LPIN1: variants seen among roughly 807,000 people sequenced by gnomAD.
The protein encoded by LPIN1 is lipin 1.
Under a neutral mutation model 107.5 loss-of-function variants are expected in LPIN1, and 71 were observed. That is an observed-to-expected ratio of 0.66 (90% CI 0.55 to 0.80). The LOEUF (loss-of-function observed/expected upper bound fraction) is 0.80. LPIN1 is among the 30% of genes least tolerant of loss of function. LPIN1 has a pLI of 0.00. For synonymous variants in LPIN1, 445 were observed against 452.6 expected (o/e 0.98, Z 0.21); for missense variants, 1,043 against 1,160.6 (o/e 0.90, Z 1.47).
intron 2 of LPIN1, chr2:11,767,522 C>T (rs1671112083): frequency 1.9e-6 from 1 of 536,560 alleles, no homozygotes; most frequent in Admixed American, 3.1e-5. Flanking sequence ...TATTTTTGCA[C>T]CAACGTACTG....
chr2:11,714,572 A>G (rs1356338241), intron 2 of LPIN1, among the ~76,000 whole-genome samples: 1 of 152,146 alleles, frequency 6.6e-6, no homozygotes, highest in African/African-American at 2.4e-5. Context: ...CCCTGGAGCT[A>G]TAGCTGAAGC....
At chr2:11,823,342 A>G (rs1011065019) in intron 20 of LPIN1, among the ~76,000 whole-genome samples, 4 of 152,224 alleles carry the variant, frequency 2.6e-5, no homozygotes, top group African/African-American at 9.7e-5. Flanking sequence ...CTGCTGCCGC[A>G]GCCACAAACC....
intron 1 of LPIN1, among the ~76,000 whole-genome samples, chr2:11,764,913 A>G (rs1484375122): frequency 1.3e-5 from 2 of 152,246 alleles, no homozygotes; most frequent in African/African-American, 4.8e-5. Context: ...CAGAGGAGAC[A>G]GGGCCTGGGG....
intron 12 of LPIN1, among the ~76,000 whole-genome samples, chr2:11,789,579 T>C (rs767375790): frequency 6.6e-6 from 1 of 152,168 alleles, no homozygotes; most frequent in Non-Finnish European, 1.5e-5. Flanking sequence ...TGTGTGCGTG[T>C]GTGTGTGTGC....
At chr2:11,725,992 C>T (rs866650853) in intron 1 of LPIN1, among the ~76,000 whole-genome samples, 6 of 152,268 alleles carry the variant, frequency 3.9e-5, no homozygotes, top group Admixed American at 3.3e-4. Flanking sequence ...CCACCTTGAG[C>T]CTGTGTGGTG....
chr2:11,824,907 G>A lies in LPIN1; in HGVS notation c.*116G>A. ...GAGCCTGGCGCGTCATCATTGGCCT[G>A]ACAGCAGAGAGAATTGAGAAGCATT... On this transcript the variant is annotated 3_prime_UTR_variant, in exon 21 of 21. Transcript: ENST00000674199. 8.4e-7 allele frequency: 1 copy of A among 1,184,114 alleles called. No individual in the cohort carries two copies. Among genetic ancestry groups the A allele is most frequent in the Non-Finnish European group, 1.2e-6 (1 of 813,448 alleles). The allele number at this position is 1,184,114 out of a possible 1,614,324, so 73.4% of individuals were successfully genotyped here. A position where few individuals can be genotyped will look rare whatever the true frequency, so the allele number is the denominator to read the frequency against.
chr2:11,709,232 CA>C (rs1663282490), intron 1 of LPIN1, among the ~76,000 whole-genome samples: 1 of 152,174 alleles, frequency 6.6e-6, no homozygotes, highest in South Asian at 2.1e-4. Context: ...CAGAGGGTAC[CA>C]GGCTACCAAA....
At chr2:11,746,615 A>T (rs1348364124), upstream of LPIN1, 1 of 985,172 alleles carries the variant, frequency 1.0e-6, no homozygotes, top group African/African-American at 1.7e-5. Context: ...CTGCGCTGAC[A>T]GCCGGCGGCG....
intron 1 of LPIN1, among the ~76,000 whole-genome samples, chr2:11,732,935 T>C (rs1026052785): frequency 7.1e-6 from 1 of 140,486 alleles, no homozygotes; most frequent in African/African-American, 3.0e-5. Context: ...GTGTGTGTGT[T>C]TGTATGGGGG....
At chr2:11,791,329 C>T (rs571168681) in intron 12 of LPIN1, among the ~76,000 whole-genome samples, 46 of 152,252 alleles carry the variant, frequency 3.0e-4, no homozygotes, top group Non-Finnish European at 4.3e-4. Context: ...TTTGGAAAAA[C>T]GTAGAAAATT....
chr2:11,703,576 A>G (rs1053833212), intron 1 of LPIN1, among the ~76,000 whole-genome samples: 3 of 152,236 alleles, frequency 2.0e-5, no homozygotes, highest in African/African-American at 7.2e-5. Flanking sequence ...TTATTTTGCC[A>G]TAAACATACA....
At position 11,783,925 on chromosome 2, in the gene LPIN1, A is replaced by G. The variant is rs766665385; in HGVS notation, c.1358+3A>G. The G allele has an allele frequency of 2.7e-5, 43 of 1,613,910 alleles. No individual in the cohort carries two copies. The highest frequency in any genetic ancestry group is 2.0e-5 in the Non-Finnish European group (24 of 1,179,898). Reference sequence around the variant, plus strand: ...GCGGCCCTGTATTTTCCCAAAAAGTAAAATTCCTGTTAATTCCTCACATCA... The same window carrying G: ...GCGGCCCTGTATTTTCCCAAAAAGTGAAATTCCTGTTAATTCCTCACATCA... On this transcript the variant is annotated splice_donor_region_variant and intron_variant, in intron 9 of 20. Transcript: ENST00000674199.
At chr2:11,736,015 T>C (rs1665760485) in intron 1 of LPIN1, among the ~76,000 whole-genome samples, 2 of 152,180 alleles carry the variant, frequency 1.3e-5, no homozygotes, top group Non-Finnish European at 2.9e-5. Context: ...GGAAGTCAGC[T>C]TCCCTCACTG....
chr2:11,720,902 GA>G (rs1235529982), upstream of LPIN1, among the ~76,000 whole-genome samples: 2 of 151,994 alleles, frequency 1.3e-5, no homozygotes, highest in East Asian at 3.9e-4. Flanking sequence ...CAAGGTGCGA[GA>G]GAAGAGAATT....
At chr2:11,763,613 C>T (rs904521615) in intron 1 of LPIN1, among the ~76,000 whole-genome samples, 3 of 152,062 alleles carry the variant, frequency 2.0e-5, no homozygotes, top group African/African-American at 7.2e-5. Context: ...TACATTGTTA[C>T]GGTGATGCTT....
chr2:11,761,204 C>T (rs878979576), intron 1 of LPIN1, among the ~76,000 whole-genome samples: 2 of 152,132 alleles, frequency 1.3e-5, no homozygotes, highest in Admixed American at 6.5e-5. Context: ...ACCAAACACA[C>T]GTTAAAATCT....
upstream of LPIN1, among the ~76,000 whole-genome samples, chr2:11,742,762 A>G (rs1045836992): frequency 1.3e-5 from 2 of 152,192 alleles, no homozygotes; most frequent in African/African-American, 4.8e-5. Context: ...ATCTGACCAG[A>G]GGAGAAAGGG....
At chr2:11,721,938 A>C (rs1193050560), upstream of LPIN1, 1 of 152,244 alleles carries the variant, frequency 6.6e-6, no homozygotes, top group African/African-American at 2.4e-5. Context: ...CTCTGCAACA[A>C]CCATCATTCA....
Position 11,707,282 on chromosome 2 carries a change from C to G in LPIN1, c.82-6474C>G, listed in dbSNP as rs79617335. On this transcript the variant is annotated intron_variant, in intron 1 of 21. Coordinates refer to the LPIN1 transcript ENST00000449576. The surrounding 1 kb of genome is among the most constrained non-coding windows in gnomAD (Gnocchi z 4.2). ...AGGAAGTTCCTTCCAGGAAGGGTCACTGGAACAGAGACCAGCATGAAGTGA... is the reference window on the plus strand; with the variant it reads ...AGGAAGTTCCTTCCAGGAAGGGTCAGTGGAACAGAGACCAGCATGAAGTGA... Among the ~76,000 whole-genome samples the G allele has an allele frequency of 6.6e-6, 1 of 152,196 alleles. No homozygotes were observed. Among genetic ancestry groups the G allele is most frequent in the African/African-American group, 2.4e-5 (1 of 41,458 alleles).
Sources: allele counts gnomAD v4.1 joint callset (sites outside exome capture counted in the v4.1 genomes callset), GRCh38; gene constraint gnomAD v4.1.1; non-coding constraint Gnocchi (gnomAD v3.1); transcripts MANE v1.5; gene names NCBI Gene and HGNC (gene_info 2026-07-23, HGNC 2026-07-21).